The following NEBL variants were observed in gnomAD, a reference collection of about 807,000 sequenced individuals.
The protein encoded by NEBL is LIM and SH3 protein 2.
Under a neutral mutation model 140.2 loss-of-function variants are expected in NEBL, and 122 were observed. That is an observed-to-expected ratio of 0.87 (90% confidence interval 0.75 to 1.01). The LOEUF is 1.01. Among genes scored for constraint, NEBL ranks in the 50% least tolerant of loss-of-function variants. The pLI is 0.00. For missense variants in NEBL, 1,365 were observed against 1,231.3 expected (o/e 1.11, Z -1.62); for synonymous variants, 436 against 398.9 (o/e 1.09, Z -1.11).
intron 2 of NEBL, among the ~76,000 whole-genome samples, chr10:21,094,536 G>GC (rs1210874820): frequency 7.3e-5 from 10 of 137,368 alleles, no homozygotes; most frequent in African/African-American, 2.6e-4. Flanking sequence ...AAAAAAATTA[G>GC]CCAGATGTGG....
At chr10:21,086,642 G>T (rs1383322323) in intron 2 of NEBL, among the ~76,000 whole-genome samples, 2 of 152,116 alleles carry the variant, frequency 1.3e-5, no homozygotes, top group East Asian at 3.9e-4. Context: ...GTCATGTGTG[G>T]TGGTGTGCAC....
intron 3 of NEBL, among the ~76,000 whole-genome samples, chr10:21,187,657 G>A (rs1337669896): frequency 2.0e-5 from 3 of 151,900 alleles, no homozygotes; most frequent in Non-Finnish European, 4.4e-5. Context: ...GGGACTACAG[G>A]TGTGCACCAC....
chr10:20,907,962 C>T (rs1344982125), intron 4 of NEBL, among the ~76,000 whole-genome samples: 2 of 152,142 alleles, frequency 1.3e-5, no homozygotes, highest in Non-Finnish European at 2.9e-5. Context: ...CTCATCCAAG[C>T]TATGCTGACA....
At chr10:20,984,722 G>T (rs565252389) in intron 3 of NEBL, among the ~76,000 whole-genome samples, 15 of 152,106 alleles carry the variant, frequency 9.9e-5, no homozygotes, top group African/African-American at 3.6e-4. Context: ...GTAAAGCAGA[G>T]GTCCCCAACC....
In NEBL at chr10:21,090,468, C is replaced by T. The variant is rs140844428; in HGVS notation, c.165-70267G>A. Among the ~76,000 whole-genome samples the T allele has an allele frequency of 5.3e-3, 802 of 152,204 alleles. 5 individuals are homozygous for T. Among genetic ancestry groups the T allele is most frequent in the African/African-American group, 0.018 (758 of 41,518 alleles). On this transcript the variant is annotated intron_variant, in intron 2 of 6. Coordinates refer to the NEBL transcript ENST00000417816. ...GTGATTTAAAGTATACAGGAGGATGCGTGTAGGTTATATGAAAACACTTTG... is the reference window on the plus strand; with the variant it reads ...GTGATTTAAAGTATACAGGAGGATGTGTGTAGGTTATATGAAAACACTTTG...
intron 2 of NEBL, 64 bp downstream of exon 2, chr10:20,896,894 T>G (rs1847545544): frequency 7.4e-7 from 1 of 1,342,920 alleles, no homozygotes; most frequent in Admixed American, 1.7e-5. Flanking sequence ...GCTCTATGAC[T>G]CTATAACATA....
intron 2 of NEBL, among the ~76,000 whole-genome samples, chr10:21,151,162 A>G (rs1489867381): frequency 6.6e-6 from 1 of 152,174 alleles, no homozygotes; most frequent in East Asian, 1.9e-4. Flanking sequence ...ATTTAAAGCA[A>G]TCTAGGCCAA....
intron 3 of NEBL, among the ~76,000 whole-genome samples, chr10:21,234,053 C>T (rs1447689688): frequency 7.6e-6 from 1 of 132,346 alleles, no homozygotes; most frequent in Admixed American, 7.8e-5. Context: ...ATAGATATCT[C>T]CAAGAAAGCT....
intron 2 of NEBL, among the ~76,000 whole-genome samples, chr10:21,116,837 T>G (rs1374264321): frequency 2.0e-5 from 3 of 151,976 alleles, no homozygotes; most frequent in African/African-American, 7.2e-5. Context: ...TCCCAGCAAC[T>G]TTTTAAATTG....
intron 4 of NEBL, among the ~76,000 whole-genome samples, chr10:20,882,309 GA>G (rs1045048801): frequency 1.3e-5 from 2 of 150,950 alleles, no homozygotes; most frequent in African/African-American, 4.9e-5. Context: ...AAGGAAAGGA[GA>G]AAAGAAAGAA....
At chr10:20,787,053 C>T in intron 27 of NEBL, 149 bp downstream of exon 27, 1 of 773,452 alleles carries the variant, frequency 1.3e-6, no homozygotes, top group Admixed American at 2.0e-5. Context: ...TTGCTTCCTT[C>T]AAAAGAGTTG....
Position 20,942,762 on chromosome 10 carries a change from T to A in NEBL, c.357+18910A>T, listed in dbSNP as rs190541111. Among the ~76,000 whole-genome samples, 71 of 151,858 alleles carry A rather than the reference T, an allele frequency of 4.7e-4. No homozygotes were observed. In the East Asian group the frequency reaches 0.013, roughly 28 times the overall value. The stretch of plus-strand genomic sequence containing the variant: ...TACAAGAAAAAAACAAACAACCCCA[T>A]CAAAAAGTGGGTGAAGGATATGAAT... On this transcript the variant is annotated intron_variant, in intron 4 of 6. Coordinates refer to the NEBL transcript ENST00000417816.
chr10:21,036,241 G>T (rs368833181), intron 2 of NEBL, among the ~76,000 whole-genome samples: 2 of 152,178 alleles, frequency 1.3e-5, no homozygotes, highest in African/African-American at 4.8e-5. Context: ...CAGGAGGATT[G>T]CTTGATCCCA....
rs145359432 is a variant in NEBL, at chr10:20,866,876, C to T, written c.684+1788G>A. On this transcript the variant is annotated intron_variant, in intron 7 of 27. Transcript: ENST00000377122. ...GCTCTTCTGTGAATTATCTATTTCA[C>T]TGACCCCTTTTTCTACTGAGCCGTT... Among the ~76,000 whole-genome samples, 265 of 152,260 alleles carry T rather than the reference C, an allele frequency of 1.7e-3. 3 individuals are homozygous for T. Among genetic ancestry groups the T allele is most frequent in the African/African-American group, 6.1e-3 (255 of 41,556 alleles).
At chr10:21,116,413 T>C (rs1031985531) in intron 2 of NEBL, among the ~76,000 whole-genome samples, 1 of 152,100 alleles carries the variant, frequency 6.6e-6, no homozygotes, top group Non-Finnish European at 1.5e-5. Context: ...AATCTTATCA[T>C]AAAGGCCCTA....
At chr10:21,013,211 A>G (rs1161445127) in intron 3 of NEBL, among the ~76,000 whole-genome samples, 2 of 152,176 alleles carry the variant, frequency 1.3e-5, no homozygotes, top group African/African-American at 2.4e-5. Context: ...CAGTGAATTC[A>G]TATGTCCCCT....
intron 7 of NEBL, among the ~76,000 whole-genome samples, chr10:20,861,412 T>C (rs1433553073): frequency 6.6e-6 from 1 of 152,104 alleles, no homozygotes; most frequent in African/African-American, 2.4e-5. Flanking sequence ...CTCCTGACCT[T>C]CATCTCCTGA....
At chr10:20,955,621 G>A (rs1835763148) in intron 4 of NEBL, among the ~76,000 whole-genome samples, 1 of 152,160 alleles carries the variant, frequency 6.6e-6, no homozygotes, top group South Asian at 2.1e-4. Flanking sequence ...AAGGGTTTAG[G>A]AGATTAGACT....
intron 3 of NEBL, among the ~76,000 whole-genome samples, chr10:20,985,091 T>C (rs1381419568): frequency 6.6e-6 from 1 of 152,304 alleles, no homozygotes; most frequent in East Asian, 1.9e-4. Context: ...GTTGTATAAT[T>C]ATTTAATTAT....
Sources: allele counts gnomAD v4.1 joint callset (sites outside exome capture counted in the v4.1 genomes callset), GRCh38; gene constraint gnomAD v4.1.1; transcripts MANE v1.5; gene names NCBI Gene and HGNC (gene_info 2026-07-23, HGNC 2026-07-21).